Variants in DLGAP2 observed in about 807,000 individuals in gnomAD.
DLGAP2 encodes disks large-associated protein 2.
A neutral mutation model predicts 100.3 loss-of-function variants in DLGAP2; 26 were observed. The ratio of observed to expected loss-of-function variants is 0.26; its 90% CI spans 0.19 to 0.36. DLGAP2 has a LOEUF of 0.36. Among genes scored for constraint, DLGAP2 ranks in the 10% least tolerant of loss-of-function variants. The pLI is 1.00. For missense variants in DLGAP2, 1,858 were observed against 1,453.2 expected (o/e 1.28, Z -4.53); for synonymous variants, 886 against 630.1 (o/e 1.41, Z -6.08).
chr8:1,555,092 A>G (rs909563543), intron 5 of DLGAP2, among the ~76,000 whole-genome samples: 1 of 152,082 alleles, frequency 6.6e-6, no homozygotes, highest in Non-Finnish European at 1.5e-5. Context: ...GGGGCCGTGA[A>G]TGGATAGGAG....
chr8:1,602,763 C>T, intron 6 of DLGAP2, among the ~76,000 whole-genome samples: 1 of 152,246 alleles, frequency 6.6e-6, no homozygotes, highest in East Asian at 1.9e-4. Flanking sequence ...GGCACTGCTC[C>T]AGATGCTCCC....
At chr8:849,768 T>A (rs938523526) in intron 1 of DLGAP2, among the ~76,000 whole-genome samples, 1 of 152,178 alleles carries the variant, frequency 6.6e-6, no homozygotes, top group Admixed American at 6.5e-5. Flanking sequence ...TCTGTTCAAA[T>A]CTTTTTCTCA....
chr8:1,199,601 A>G (rs184185342), intron 2 of DLGAP2, among the ~76,000 whole-genome samples: 1 of 152,274 alleles, frequency 6.6e-6, no homozygotes, highest in Admixed American at 6.5e-5. Context: ...CACCATCTTC[A>G]TGAGCCAAAC....
intron 3 of DLGAP2, among the ~76,000 whole-genome samples, chr8:1,460,237 C>A (rs778010072): frequency 1.3e-5 from 2 of 152,178 alleles, no homozygotes; most frequent in African/African-American, 4.8e-5. Flanking sequence ...CCACTTGCTC[C>A]AATACAACAG....
chr8:1,108,513 G>T (rs1204923713), intron 2 of DLGAP2, among the ~76,000 whole-genome samples: 2 of 151,354 alleles, frequency 1.3e-5, no homozygotes, highest in Non-Finnish European at 2.9e-5. Flanking sequence ...TGCTGGGTCT[G>T]TGAGGTGTGA....
intron 12 of DLGAP2, among the ~76,000 whole-genome samples, chr8:1,685,702 A>C (rs554579366): frequency 6.6e-6 from 1 of 152,294 alleles, no homozygotes; most frequent in East Asian, 1.9e-4. Flanking sequence ...CAAGGGACTA[A>C]GAACCAGAAT....
chr8:946,432 T>G (rs1292599401), intron 2 of DLGAP2, among the ~76,000 whole-genome samples: 3 of 152,010 alleles, frequency 2.0e-5, no homozygotes, highest in South Asian at 2.1e-4. Flanking sequence ...CCCGGCTAAT[T>G]TTTTGTAGTT....
chr8:1,045,022 C>T (rs988672285), intron 2 of DLGAP2, among the ~76,000 whole-genome samples: 2 of 152,234 alleles, frequency 1.3e-5, no homozygotes, highest in Non-Finnish European at 2.9e-5. Context: ...CTCATAAGCA[C>T]ACATGATAAG....
chr8:848,117 T>C (rs1217516117), intron 1 of DLGAP2, among the ~76,000 whole-genome samples: 1 of 152,206 alleles, frequency 6.6e-6, no homozygotes, highest in Admixed American at 6.5e-5. Flanking sequence ...CGTGTTTCCT[T>C]TTCCAAAATG....
chr8:1,622,176 G>A lies in DLGAP2; in HGVS notation c.1443-4564G>A, dbSNP rs761801326. On this transcript the variant is annotated intron_variant, in intron 6 of 14. Transcript: ENST00000637795. ...GTCTGTTTCACTAGCACTGTTTAGC[G>A]TGCTCCATTTTCCATTGAATGCAGT... The A allele has an allele frequency of 5.3e-5, 8 of 152,302 alleles. 1 individual carries two copies. Among genetic ancestry groups the A allele is most frequent in the African/African-American group, 1.4e-4 (6 of 41,568 alleles). The allele number at this position is 152,302 out of a possible 1,614,324, so 9.4% of individuals were successfully genotyped here.
At chr8:819,037 A>T (rs887578555) in intron 1 of DLGAP2, among the ~76,000 whole-genome samples, 2 of 152,234 alleles carry the variant, frequency 1.3e-5, no homozygotes, top group African/African-American at 4.8e-5. Flanking sequence ...ATTTTATGTT[A>T]TCTCAGACTA....
intron 1 of DLGAP2, among the ~76,000 whole-genome samples, chr8:821,787 A>T (rs980260453): frequency 6.6e-6 from 1 of 152,210 alleles, no homozygotes; most frequent in African/African-American, 2.4e-5. Context: ...TCAATATTTC[A>T]AAATGGTTAA....
chr8:1,196,702 C>T (rs1330330810), intron 2 of DLGAP2, among the ~76,000 whole-genome samples: 1 of 152,048 alleles, frequency 6.6e-6, no homozygotes, highest in Admixed American at 6.6e-5. Context: ...CCATGATTTC[C>T]CAAGCAGCCG....
chr8:1,607,870 A>G (rs1375854390), intron 6 of DLGAP2, among the ~76,000 whole-genome samples: 5 of 150,284 alleles, frequency 3.3e-5, no homozygotes, highest in African/African-American at 1.2e-4. Context: ...TATATCCCAC[A>G]CCTGGCTCGG....
chr8:1,068,997 A>C lies in DLGAP2; in HGVS notation c.73+161031A>C, dbSNP rs140082739. ...CCCAGTCCTTGAAAGACTCACAGGA[A>C]TGTGCCTAATGGAAACCCAGTCTGG... is the stretch of plus-strand genomic sequence containing the variant. On this transcript the variant is annotated intron_variant, in intron 2 of 14. Transcript: ENST00000637795. 2.5e-3 allele frequency among the ~76,000 whole-genome samples: 381 copies of C among 152,268 alleles called. 1 individual carries two copies. Among genetic ancestry groups the C allele is most frequent in the African/African-American group, 8.2e-3 (342 of 41,572 alleles).
intron 3 of DLGAP2, among the ~76,000 whole-genome samples, chr8:1,455,658 G>A (rs1368856869): frequency 1.3e-5 from 2 of 152,184 alleles, no homozygotes; most frequent in African/African-American, 4.8e-5. Context: ...CCACTGCCAG[G>A]GGCACGCCCC....
intron 2 of DLGAP2, among the ~76,000 whole-genome samples, chr8:1,100,560 G>A (rs1009984824): frequency 2.0e-5 from 3 of 151,676 alleles, no homozygotes; most frequent in Admixed American, 1.3e-4. Flanking sequence ...AGGCACCCCC[G>A]GTGGTCTCAG....
chr8:1,555,155 C>T (rs1003023219), intron 5 of DLGAP2, among the ~76,000 whole-genome samples: 9 of 152,082 alleles, frequency 5.9e-5, no homozygotes, highest in African/African-American at 1.7e-4. Flanking sequence ...ATAGCAGGTC[C>T]GGGAGGAGCT....
intron 2 of DLGAP2, among the ~76,000 whole-genome samples, chr8:1,065,254 T>A (rs890559861): frequency 1.3e-5 from 2 of 152,234 alleles, no homozygotes; most frequent in Admixed American, 1.3e-4. Context: ...GCCAGGAATT[T>A]GATTATTAGG....
Sources: allele counts gnomAD v4.1 joint callset (sites outside exome capture counted in the v4.1 genomes callset), GRCh38; gene constraint gnomAD v4.1.1; transcripts MANE v1.5; gene names NCBI Gene and HGNC (gene_info 2026-07-23, HGNC 2026-07-21).